ZNF766: variants seen among roughly 807,000 people sequenced by gnomAD.
The protein encoded by ZNF766 is zinc finger protein 766.
Under a neutral mutation model 13.2 loss-of-function variants are expected in ZNF766, and 13 were observed. The observed-to-expected ratio is 0.98, with a 90% CI of 0.64 to 1.56. The LOEUF (loss-of-function observed/expected upper bound fraction) is 1.56, where lower values mean the gene tolerates loss of function less well. Among genes scored for constraint, ZNF766 ranks in the 40% most tolerant of loss-of-function variants. The pLI is 0.00. For synonymous variants in ZNF766, 178 were observed against 187.6 expected, an observed-to-expected ratio of 0.95 and a Z score of 0.42; for missense variants, 521 against 552.2, an observed-to-expected ratio of 0.94 and a Z score of 0.57.
Position 52,292,113 on chromosome 19 carries a change from T to C in ZNF766, c.*915T>C. On this transcript the variant is annotated 3_prime_UTR_variant, in exon 4 of 4. Transcript: ENST00000439461. ...AAGGCTAGTTTTTATGACTTCAACC[T>C]GAACTTTGAAATTTCTTCATGTGCC... 1.4e-6 allele frequency: 1 copy of C among 701,580 alleles called. No homozygotes were observed. Among genetic ancestry groups the C allele is most frequent in the South Asian group, 1.5e-5 (1 of 67,284 alleles). 43.5% of individuals were successfully genotyped at this position (701,580 alleles called of 1,614,324 possible).
intron 2 of ZNF766, 104 bp downstream of exon 2, chr19:52,282,341 A>C: frequency 7.2e-7 from 1 of 1,381,512 alleles, no homozygotes; most frequent in Non-Finnish European, 9.6e-7. Flanking sequence ...TGAGATTGAA[A>C]CCCTGTTGAC....
intron 3 of ZNF766, among the ~76,000 whole-genome samples, chr19:52,287,494 C>T (rs574176815): frequency 1.3e-5 from 2 of 152,322 alleles, no homozygotes; most frequent in East Asian, 3.9e-4. Context: ...TAACACTGGC[C>T]TCATTGAATG....
chr19:52,281,985 T>A, intron 1 of ZNF766, 126 bp from the exon 2 acceptor site: 1 of 1,135,878 alleles, frequency 8.8e-7, no homozygotes, highest in Non-Finnish European at 1.3e-6. Context: ...AATACCTTAA[T>A]GTGGATATGT....
In ZNF766 at chr19:52,292,196, CTTCAT is replaced by C. The variant is rs927709431; in HGVS notation, c.*1000_*1004del. 11 of 702,782 alleles carry C rather than the reference CTTCAT, an allele frequency of 1.6e-5. No homozygotes were observed. The African/African-American group carries it at 1.7e-4, about 11-fold the overall frequency. 43.5% of individuals were successfully genotyped at this position (702,782 alleles called of 1,614,324 possible). ...AGAATCAGTAAGATGACAGGGCTGA[CTTCAT>C]TAGATGAGGAGCGTTTCTATCCAGT... On this transcript the variant is annotated 3_prime_UTR_variant, in exon 4 of 4. Coordinates refer to ENST00000439461, the MANE Select transcript of ZNF766 (RefSeq NM_001010851.3).
intron 1 of ZNF766, among the ~76,000 whole-genome samples, chr19:52,280,086 G>A (rs561819288): frequency 6.6e-5 from 10 of 152,156 alleles, no homozygotes; most frequent in East Asian, 3.9e-4. Flanking sequence ...GTGAGCCACC[G>A]CTCCCAGCTG....
intron 1 of ZNF766, among the ~76,000 whole-genome samples, chr19:52,273,486 C>T (rs1356695447): frequency 6.6e-6 from 1 of 152,164 alleles, no homozygotes; most frequent in Non-Finnish European, 1.5e-5. Context: ...CCCTCGTTCC[C>T]TCTGCCGCAG....
chr19:52,273,693 C>T (rs994103797), intron 1 of ZNF766, among the ~76,000 whole-genome samples: 1 of 152,262 alleles, frequency 6.6e-6, no homozygotes, highest in African/African-American at 2.4e-5. Flanking sequence ...ACTCCAGCTA[C>T]ACCCTTACCC....
chr19:52,277,684 C>T (rs1434497998), intron 1 of ZNF766: 1 of 925,444 alleles, frequency 1.1e-6, no homozygotes, highest in African/African-American at 1.6e-5. Flanking sequence ...TTCAGTCCCT[C>T]TCATCTCGCT....
chr19:52,278,498 G>C (rs915667585), intron 1 of ZNF766, among the ~76,000 whole-genome samples: 3 of 152,128 alleles, frequency 2.0e-5, no homozygotes, highest in Non-Finnish European at 4.4e-5. Flanking sequence ...CTGCCTCCCG[G>C]GTTCAAGCAA....
At chr19:52,277,974 T>C (rs1254972097) in intron 1 of ZNF766, among the ~76,000 whole-genome samples, 2 of 145,362 alleles carry the variant, frequency 1.4e-5, no homozygotes, top group African/African-American at 5.1e-5. Flanking sequence ...TTTTCTGCCT[T>C]TTTTTTTTTT....
At chr19:52,274,193 C>T (rs1981093995) in intron 1 of ZNF766, among the ~76,000 whole-genome samples, 1 of 150,832 alleles carries the variant, frequency 6.6e-6, no homozygotes, top group African/African-American at 2.5e-5. Flanking sequence ...CCCTCGGTAT[C>T]ACGTAGGATT....
intron 1 of ZNF766, chr19:52,277,213 A>G: frequency 1.7e-6 from 2 of 1,201,186 alleles, no homozygotes; most frequent in Non-Finnish European, 2.1e-6. Context: ...TAATCCCGGC[A>G]CTTTGGGAGG....
In ZNF766 at chr19:52,292,139, T is replaced by C; in HGVS notation, c.*941T>C. The C allele has an allele frequency of 1.4e-6, 1 of 702,528 alleles. No homozygotes were observed. Among genetic ancestry groups the C allele is most frequent in the Non-Finnish European group, 2.6e-6 (1 of 384,838 alleles). 43.5% of individuals were successfully genotyped at this position (702,528 alleles called of 1,614,324 possible). A position where few individuals can be genotyped will look rare whatever the true frequency, so the allele number is the denominator to read the frequency against. ...GAACTTTGAAATTTCTTCATGTGCC[T>C]TCCCTACAGGCCTTTCACTGTGGTC... On this transcript the variant is annotated 3_prime_UTR_variant, in exon 4 of 4. Coordinates refer to ENST00000439461, the MANE Select transcript of ZNF766 (RefSeq NM_001010851.3).
chr19:52,270,858 C>T (rs902166330), intron 1 of ZNF766, among the ~76,000 whole-genome samples: 1 of 152,124 alleles, frequency 6.6e-6, no homozygotes, highest in Admixed American at 6.5e-5. Context: ...AATCTCGGCT[C>T]ACTGCAACCT....
At chr19:52,286,331 T>C (rs1437575729) in intron 3 of ZNF766, among the ~76,000 whole-genome samples, 1 of 151,382 alleles carries the variant, frequency 6.6e-6, no homozygotes, top group East Asian at 1.9e-4. Flanking sequence ...TCTTTTTTTT[T>C]TTTTTCTTTT....
intron 1 of ZNF766, among the ~76,000 whole-genome samples, chr19:52,270,385 G>GAAGT (rs1980925094): frequency 6.6e-6 from 1 of 151,978 alleles, no homozygotes; most frequent in South Asian, 2.1e-4. Flanking sequence ...AGCACCCCAG[G>GAAGT]AAGTAGCAGG....
Position 52,290,238 on chromosome 19 carries a change from T to A in ZNF766, c.447T>A (p.Leu149=), listed in dbSNP as rs1045935261. ...FISHSSSVSP[L]QRIYSGVKTH... is the part of the protein sequence containing the mutation. ...GCCACAGTTCTTCAGTTTCGCCACT[T>A]CAAAGAATTTACTCTGGGGTCAAAA... The change falls in exon 4 of 4, where the codon CTT becomes CTA. Residue 149 remains leucine (L), a synonymous_variant. Coordinates refer to ENST00000439461, the MANE Select transcript of ZNF766 (RefSeq NM_001010851.3). 1 of 1,613,896 alleles carries A rather than the reference T, an allele frequency of 6.2e-7. No individual in the cohort carries two copies. Among genetic ancestry groups the A allele is most frequent in the Non-Finnish European group, 8.5e-7 (1 of 1,179,902 alleles).
At position 52,289,949 on chromosome 19, in the gene ZNF766, C is replaced by T. The variant is rs1251364110; in HGVS notation, c.275-117C>T. ...CTGGGAGGCGGAGCTTGCAGTGATC[C>T]GAGATCGTGCCACTGCACTCCAGCC... On this transcript the variant is annotated intron_variant, in intron 3 of 3. Transcript: ENST00000439461. 6.7e-6 allele frequency: 7 copies of T among 1,042,580 alleles called. No individual in the cohort carries two copies. The South Asian group carries it at 6.9e-5, about 10-fold the overall frequency. The allele number at this position is 1,042,580 out of a possible 1,614,324, so 64.6% of individuals were successfully genotyped here. A position where few individuals can be genotyped will look rare whatever the true frequency, so the allele number is the denominator to read the frequency against.
chr19:52,272,080 G>A (rs923198760), intron 1 of ZNF766, among the ~76,000 whole-genome samples: 1 of 150,536 alleles, frequency 6.6e-6, no homozygotes, highest in Non-Finnish European at 1.5e-5. Context: ...ATCTCTCCCT[G>A]TAGTGAGTAC....
Sources: gnomAD v4.1 joint callset for allele counts (sites outside exome capture counted in the v4.1 genomes callset) on GRCh38, gnomAD v4.1.1 for gene constraint, MANE v1.5 for transcripts, NCBI Gene and HGNC (gene_info 2026-07-23, HGNC 2026-07-21) for gene names.